PACRG: variants seen among roughly 807,000 people sequenced by gnomAD.
PACRG encodes parkin coregulated, also known as parkin coregulated gene protein.
A neutral mutation model predicts 29.7 loss-of-function variants in PACRG; 29 were observed. That is an observed-to-expected ratio of 0.98 (90% CI 0.73 to 1.33). PACRG has a LOEUF of 1.33. Ranked by LOEUF, PACRG falls within the 40% of genes most tolerant of loss-of-function variation. PACRG has a pLI of 0.00. For synonymous variants in PACRG, 116 were observed against 118.7 expected (o/e 0.98, Z 0.15); for missense variants, 279 against 316.2 (o/e 0.88, Z 0.89).
chr6:163,155,918 C>T (rs1457144316), intron 4 of PACRG, among the ~76,000 whole-genome samples: 1 of 152,228 alleles, frequency 6.6e-6, no homozygotes, highest in Non-Finnish European at 1.5e-5. Flanking sequence ...ATGTGCTGTT[C>T]CCTCCGTCTG....
At chr6:163,078,754 C>T (rs1035758860) in intron 3 of PACRG, among the ~76,000 whole-genome samples, 6 of 152,158 alleles carry the variant, frequency 3.9e-5, no homozygotes, top group Admixed American at 3.9e-4. Flanking sequence ...CTAGCACTAC[C>T]GCAGTGCCTC....
chr6:163,010,884 C>T (rs1269871190), intron 2 of PACRG, among the ~76,000 whole-genome samples: 1 of 152,174 alleles, frequency 6.6e-6, no homozygotes, highest in African/African-American at 2.4e-5. Flanking sequence ...AGCGCGGGCC[C>T]CTCCAGAGTT....
intron 4 of PACRG, among the ~76,000 whole-genome samples, chr6:163,278,736 G>A (rs1176690326): frequency 6.6e-6 from 1 of 152,084 alleles, no homozygotes; most frequent in Non-Finnish European, 1.5e-5. Flanking sequence ...GGTAACTATG[G>A]CCTTACATTA....
At chr6:163,267,408 C>T (rs114506091) in intron 4 of PACRG, among the ~76,000 whole-genome samples, 1,709 of 152,312 alleles carry the variant, frequency 0.011, 35 homozygotes, top group African/African-American at 0.039. Flanking sequence ...CAGAAGGCAG[C>T]CTGCTTCTAA....
rs1389982059 is a variant in PACRG, at chr6:163,243,437, T to G, written c.614-71390T>G. On this transcript the variant is annotated intron_variant, in intron 4 of 4. Coordinates refer to ENST00000366888, the MANE Select transcript of PACRG (RefSeq NM_001080379.2). ...GCGTATGCCTGCACCCCCAACAAGC[T>G]TCTTGGGGTTTTCATTAAGGACATT... Among the ~76,000 whole-genome samples, 4 of 152,230 alleles carry G rather than the reference T, an allele frequency of 2.6e-5. No homozygotes were observed. The East Asian group carries it at 7.7e-4, about 29-fold the overall frequency.
intron 4 of PACRG, among the ~76,000 whole-genome samples, chr6:163,272,944 T>C (rs1294502089): frequency 7.9e-6 from 1 of 126,190 alleles, no homozygotes; most frequent in African/African-American, 3.2e-5. Flanking sequence ...CAGGCTGGAG[T>C]GCAGTGGCGG....
intron 2 of PACRG, among the ~76,000 whole-genome samples, chr6:162,964,992 A>G (rs1255832116): frequency 6.6e-6 from 1 of 152,198 alleles, no homozygotes; most frequent in Non-Finnish European, 1.5e-5. Context: ...GATGTAGGAC[A>G]TTGGAACTCG....
chr6:162,944,019 G>A (rs1455738199), intron 2 of PACRG, among the ~76,000 whole-genome samples: 1 of 152,130 alleles, frequency 6.6e-6, no homozygotes, highest in Non-Finnish European at 1.5e-5. Flanking sequence ...CCAAGAATAT[G>A]CCTGCCTGGT....
At chr6:162,894,030 C>T (rs540845685) in intron 2 of PACRG, among the ~76,000 whole-genome samples, 41 of 152,294 alleles carry the variant, frequency 2.7e-4, no homozygotes, top group Middle Eastern at 3.4e-3. Context: ...GACCCAAGCT[C>T]GGCGCACCAT....
chr6:163,099,637 A>G (rs980143517), intron 4 of PACRG, among the ~76,000 whole-genome samples: 1 of 152,216 alleles, frequency 6.6e-6, no homozygotes, highest in African/African-American at 2.4e-5. Flanking sequence ...ATGAGCACCA[A>G]CTAATGACTT....
chr6:162,957,480 G>A, intron 2 of PACRG: 4 of 442,828 alleles, frequency 9.0e-6, no homozygotes, highest in East Asian at 4.6e-5. Context: ...ACCTTCTTGG[G>A]ATAAAGGTAG....
chr6:163,239,086 C>T (rs1374282146), intron 4 of PACRG, among the ~76,000 whole-genome samples: 1 of 152,174 alleles, frequency 6.6e-6, no homozygotes, highest in African/African-American at 2.4e-5. Context: ...TTCCAAATCC[C>T]ATCACCTCGA....
intron 2 of PACRG, among the ~76,000 whole-genome samples, chr6:162,860,048 A>G (rs1292216866): frequency 6.6e-6 from 1 of 151,058 alleles, no homozygotes; most frequent in Non-Finnish European, 1.5e-5. Context: ...ACTTTCTAAA[A>G]AATGGGTTTA....
intron 2 of PACRG, among the ~76,000 whole-genome samples, chr6:162,950,590 C>A (rs1159167667): frequency 6.6e-6 from 1 of 152,106 alleles, no homozygotes; most frequent in Non-Finnish European, 1.5e-5. Flanking sequence ...GCCTTCTCAT[C>A]TCCAAATTAA....
intron 2 of PACRG, among the ~76,000 whole-genome samples, chr6:162,965,036 C>T (rs986327917): frequency 1.3e-5 from 2 of 152,156 alleles, no homozygotes; most frequent in African/African-American, 2.4e-5. Context: ...CCCAGTGGGG[C>T]TGTGGCTGTG....
At chr6:163,210,527 A>C (rs544150810) in intron 4 of PACRG, among the ~76,000 whole-genome samples, 1 of 152,228 alleles carries the variant, frequency 6.6e-6, no homozygotes, top group Non-Finnish European at 1.5e-5. Context: ...ACCCATTTCT[A>C]TGGGCTGAGG....
chr6:163,220,297 T>C (rs917790576), intron 4 of PACRG, among the ~76,000 whole-genome samples: 12 of 152,204 alleles, frequency 7.9e-5, no homozygotes, highest in African/African-American at 2.9e-4. Flanking sequence ...TGTGAGTTTT[T>C]CCATACATTG....
At chr6:163,050,938 C>T (rs1809941124) in intron 2 of PACRG, among the ~76,000 whole-genome samples, 1 of 152,122 alleles carries the variant, frequency 6.6e-6, no homozygotes, top group African/African-American at 2.4e-5. Context: ...CAAATATTGC[C>T]TTTCCCCATG....
chr6:163,011,850 A>G (rs1221963916), intron 2 of PACRG, among the ~76,000 whole-genome samples: 1 of 152,138 alleles, frequency 6.6e-6, no homozygotes, highest in African/African-American at 2.4e-5. Flanking sequence ...AGACACAAAC[A>G]TACACATTAG....
Sources: gnomAD v4.1 joint callset for allele counts (sites outside exome capture counted in the v4.1 genomes callset) on GRCh38, gnomAD v4.1.1 for gene constraint, MANE v1.5 for transcripts, NCBI Gene and HGNC (gene_info 2026-07-23, HGNC 2026-07-21) for gene names.